The following FBXW10B variants were observed in gnomAD, a reference collection of about 807,000 sequenced individuals.
FBXW10B encodes F-box and WD repeat domain containing protein 10B.
the FBXW10B span, chr17:15,571,845 C>G: frequency 6.6e-6 from 1 of 151,936 alleles, no homozygotes; most frequent in Non-Finnish European, 1.5e-5. Flanking sequence ...TTCAAAAGCA[C>G]TATGTTAAGT....
the FBXW10B span, chr17:15,598,862 A>G: frequency 2.1e-6 from 2 of 953,900 alleles, no homozygotes; most frequent in Non-Finnish European, 1.5e-6. Flanking sequence ...TCCTTTCCTC[A>G]TTGATAAAAT....
At chr17:15,587,084 C>T in the FBXW10B span, among the ~76,000 whole-genome samples, 1,639 of 151,610 alleles carry the variant, frequency 0.011, 107 homozygotes, top group African/African-American at 0.038. Context: ...GCTAAGCACC[C>T]GCACTGTTAA....
chr17:15,569,654 C>A, the FBXW10B span, among the ~76,000 whole-genome samples: 9 of 151,446 alleles, frequency 5.9e-5, no homozygotes, highest in Admixed American at 5.3e-4. Context: ...TGGCCGGTTT[C>A]GAACTCCTGG....
At chr17:15,607,687 A>G in the FBXW10B span, 4 of 1,611,630 alleles carry the variant, frequency 2.5e-6, no homozygotes, top group East Asian at 6.7e-5. Context: ...ACTCATTCTA[A>G]CAAGGGAATA....
At chr17:15,598,562 C>G in the FBXW10B span, 1 of 1,613,740 alleles carries the variant, frequency 6.2e-7, no homozygotes, top group East Asian at 2.2e-5. Flanking sequence ...CCTCCAGATA[C>G]GAGCCTGTTC....
the FBXW10B span, chr17:15,613,881 G>A: frequency 3.1e-5 from 49 of 1,604,570 alleles, 1 homozygote; most frequent in African/African-American, 2.1e-4. Flanking sequence ...ATGAAGTCTC[G>A]GTATTTGCTG....
chr17:15,604,736 AC>A, the FBXW10B span, among the ~76,000 whole-genome samples: 1 of 152,018 alleles, frequency 6.6e-6, no homozygotes, highest in Non-Finnish European at 1.5e-5. Flanking sequence ...ACGGGGTTTC[AC>A]CATGTTAGCC....
the FBXW10B span, among the ~76,000 whole-genome samples, chr17:15,591,868 T>A: frequency 6.6e-6 from 1 of 152,148 alleles, no homozygotes; most frequent in East Asian, 1.9e-4. Flanking sequence ...ACACTCTAGA[T>A]GTAGACAGAA....
At chr17:15,599,079 G>GCAGGAGAA in the FBXW10B span, among the ~76,000 whole-genome samples, 10 of 151,226 alleles carry the variant, frequency 6.6e-5, no homozygotes, top group African/African-American at 2.4e-4. Flanking sequence ...GGAGGCTGAG[G>GCAGGAGAA]CAGGAGAATT....
the FBXW10B span, chr17:15,593,421 T>C: frequency 1.2e-5 from 19 of 1,613,936 alleles, no homozygotes; most frequent in Middle Eastern, 3.3e-4. Flanking sequence ...ATTGAAGAAA[T>C]TGTAAATTCG....
the FBXW10B span, among the ~76,000 whole-genome samples, chr17:15,603,957 G>A: frequency 1.4e-5 from 2 of 141,170 alleles, no homozygotes; most frequent in African/African-American, 5.3e-5. Context: ...GCGGGCCCCT[G>A]CAGTCTCAGC....
At chr17:15,595,117 G>A in the FBXW10B span, among the ~76,000 whole-genome samples, 5 of 152,136 alleles carry the variant, frequency 3.3e-5, no homozygotes, top group Admixed American at 1.3e-4. Context: ...CGAGGCGGGC[G>A]GATCACAAGG....
the FBXW10B span, among the ~76,000 whole-genome samples, chr17:15,577,685 C>A: frequency 1.4e-3 from 217 of 152,132 alleles, 1 homozygote; most frequent in Non-Finnish European, 3.7e-4. Flanking sequence ...TCACGTAAGA[C>A]GATGTGAAAA....
At chr17:15,597,219 G>A in the FBXW10B span, among the ~76,000 whole-genome samples, 1 of 150,280 alleles carries the variant, frequency 6.7e-6, no homozygotes, top group African/African-American at 2.5e-5. Flanking sequence ...TGGAGAAATG[G>A]TCACAGCTAG....
the FBXW10B span, among the ~76,000 whole-genome samples, chr17:15,591,892 T>C: frequency 3.3e-5 from 5 of 152,138 alleles, no homozygotes. Flanking sequence ...CTATACTTTA[T>C]AAAGTGAGAT....
At chr17:15,612,313 G>T in the FBXW10B span, among the ~76,000 whole-genome samples, 1,036 of 151,408 alleles carry the variant, frequency 6.8e-3, 12 homozygotes, top group African/African-American at 0.02. Context: ...CAAGACCATC[G>T]GGGCTAACAC....
the FBXW10B span, among the ~76,000 whole-genome samples, chr17:15,579,882 G>A: frequency 6.6e-6 from 1 of 151,864 alleles, no homozygotes; most frequent in African/African-American, 2.4e-5. Flanking sequence ...CTATGTAGGG[G>A]CTGATGTTTA....
chr17:15,613,642 G>A, the FBXW10B span: 18 of 1,588,000 alleles, frequency 1.1e-5, no homozygotes, highest in South Asian at 2.0e-4. Flanking sequence ...GGTTCTGAAT[G>A]AAGCCGTGCG....
chr17:15,595,009 C>T, the FBXW10B span: 4 of 1,440,720 alleles, frequency 2.8e-6, no homozygotes, highest in Non-Finnish European at 3.8e-6. Flanking sequence ...CTGCCATTCA[C>T]TCGGTAGGTA....
Sources: gnomAD v4.1 joint callset for allele counts (sites outside exome capture counted in the v4.1 genomes callset) on GRCh38, gnomAD v4.1.1 for gene constraint, MANE v1.5 for transcripts, NCBI Gene and HGNC (gene_info 2026-07-23, HGNC 2026-07-21) for gene names.